The following NAA16 variants were observed in gnomAD, a reference collection of about 807,000 sequenced individuals.
NAA16 encodes the protein N-alpha-acetyltransferase 16, NatA auxiliary subunit, also known as NARG1-like protein.
A neutral mutation model predicts 110.3 loss-of-function variants in NAA16; 97 were observed. That is an observed-to-expected ratio of 0.88 (90% confidence interval 0.75 to 1.04). NAA16 has a LOEUF of 1.04. NAA16 is among the 50% of genes least tolerant of loss of function. The pLI, the probability that NAA16 is intolerant of heterozygous loss-of-function variation, is 0.00. For synonymous variants in NAA16, 372 were observed against 330.6 expected (o/e 1.13, Z -1.36); for missense variants, 1,017 against 1,005.1 (o/e 1.01, Z -0.16).
intron 9 of NAA16, among the ~76,000 whole-genome samples, chr13:41,345,335 C>T (rs781726152): frequency 6.6e-6 from 1 of 152,194 alleles, no homozygotes; most frequent in Non-Finnish European, 1.5e-5. Flanking sequence ...GATTTCTGCA[C>T]ATCCTCATTA....
At chr13:41,351,003 T>A (rs970676916) in intron 9 of NAA16, among the ~76,000 whole-genome samples, 2 of 152,160 alleles carry the variant, frequency 1.3e-5, no homozygotes, top group African/African-American at 2.4e-5. Flanking sequence ...AGAAAGTACT[T>A]GTTTTTTAGC....
At chr13:41,350,800 T>G (rs555286643) in intron 9 of NAA16, among the ~76,000 whole-genome samples, 1 of 151,952 alleles carries the variant, frequency 6.6e-6, no homozygotes, top group Non-Finnish European at 1.5e-5. Context: ...TTTGTTGTAT[T>G]TTTTTGTAGA....
intron 8 of NAA16, among the ~76,000 whole-genome samples, chr13:41,335,543 A>T (rs1464834529): frequency 6.6e-6 from 1 of 152,228 alleles, no homozygotes; most frequent in Admixed American, 6.5e-5. Context: ...GCAGTGGTGT[A>T]TAATTTAACC....
At chr13:41,342,370 G>A (rs989544306) in intron 9 of NAA16, among the ~76,000 whole-genome samples, 15 of 152,010 alleles carry the variant, frequency 9.9e-5, no homozygotes, top group African/African-American at 3.4e-4. Flanking sequence ...ACTCCTGAGC[G>A]CAAGCAATCC....
In NAA16 at chr13:41,321,038, G is replaced by A. The variant is rs2041932129; in HGVS notation, c.402+214G>A. On this transcript the variant is annotated intron_variant, in intron 4 of 19. Transcript: ENST00000379406. ...TAACTGGTGGGGTGTGGTGGCCCAC[G>A]CCTGTAATCCCAGCAGTTTGGGAGG... is the stretch of plus-strand genomic sequence containing the variant. Among the ~76,000 whole-genome samples the A allele has an allele frequency of 3.3e-5, 5 of 152,346 alleles. No individual in the cohort carries two copies. In the South Asian group the frequency reaches 8.3e-4, roughly 25 times the overall value.
chr13:41,362,192 C>G, intron 13 of NAA16, 33 bp downstream of exon 13: 5 of 1,568,276 alleles, frequency 3.2e-6, no homozygotes, highest in Non-Finnish European at 4.3e-6. Context: ...TCAGTTTTCA[C>G]TGTAAGGTGA....
At position 41,375,653 on chromosome 13, in the gene NAA16, G is replaced by T. The variant is rs2043415249; in HGVS notation, c.*51G>T. On this transcript the variant is annotated 3_prime_UTR_variant, in exon 20 of 20. Coordinates refer to ENST00000379406, the MANE Select transcript of NAA16 (RefSeq NM_024561.5). The stretch of plus-strand genomic sequence containing the variant: ...AGACTCAAAGCTGAATTGAGATCAG[G>T]GTTTCTTTTCCAGGGTGCATTTTAA... 7 of 1,391,402 alleles carry T rather than the reference G, an allele frequency of 5.0e-6. No individual in the cohort carries two copies. The highest frequency in any genetic ancestry group is 3.0e-5 in the South Asian group (2 of 67,068). The allele number at this position is 1,391,402 out of a possible 1,614,324, so 86.2% of individuals were successfully genotyped here.
At position 41,348,693 on chromosome 13, in the gene NAA16, G is replaced by A. The variant is rs181878425; in HGVS notation, c.1015-6451G>A. On this transcript the variant is annotated intron_variant, in intron 9 of 19. Coordinates refer to ENST00000379406, the MANE Select transcript of NAA16 (RefSeq NM_024561.5). ...ATGTTCTCTCCTCTTTTTTTGGGGGGGCGGGAAGAGTTTGTGAAGAATTGG... is the reference window on the plus strand; with the variant it reads ...ATGTTCTCTCCTCTTTTTTTGGGGGAGCGGGAAGAGTTTGTGAAGAATTGG... Among the ~76,000 whole-genome samples the A allele has an allele frequency of 5.5e-3, 831 of 152,038 alleles. 8 individuals are homozygous for A. The highest frequency in any genetic ancestry group is 0.012 in the Admixed American group (183 of 15,284).
chr13:41,340,716 G>A (rs1333901759), intron 9 of NAA16, among the ~76,000 whole-genome samples: 2 of 122,588 alleles, frequency 1.6e-5, no homozygotes, highest in South Asian at 2.9e-4. Context: ...CTCTCATTGC[G>A]CCCAGGCTGG....
Position 41,311,285 on chromosome 13 carries a change from C to A in NAA16, c.-244C>A. 1.8e-6 allele frequency: 1 copy of A among 548,698 alleles called. No individual in the cohort carries two copies. The highest frequency in any genetic ancestry group is 2.3e-5 in the South Asian group (1 of 43,442). The allele number at this position is 548,698 out of a possible 1,614,324, so 34.0% of individuals were successfully genotyped here. On this transcript the variant is annotated 5_prime_UTR_variant, in exon 1 of 20. Transcript: ENST00000379406. ...CCATCTTGCAGTGCGCGGGAACCGC[C>A]GCCGCCGCCGCTGGCCAAAAAGCGG...
In NAA16 at chr13:41,336,686, G is replaced by C; in HGVS notation, c.944G>C (p.Arg315Thr). 6.2e-7 allele frequency: 1 copy of C among 1,608,108 alleles called. No homozygotes were observed. Among genetic ancestry groups the C allele is most frequent in the Middle Eastern group, 1.7e-4 (1 of 6,042 alleles). The change falls in exon 9 of 20, where the codon AGG becomes ACG. Residue 315 changes from arginine to threonine, a missense_variant. Coordinates refer to ENST00000379406, the MANE Select transcript of NAA16 (RefSeq NM_024561.5). ...RFRELMDKFLRVNFSKGCPPL... is the reference protein window; with the variant it reads ...RFRELMDKFLTVNFSKGCPPL... ...AGAGAACTAATGGATAAGTTCCTGAGGGTTAACTTCAGTAAAGGCTGCCCA... is the reference window on the plus strand; with the variant it reads ...AGAGAACTAATGGATAAGTTCCTGACGGTTAACTTCAGTAAAGGCTGCCCA...
chr13:41,312,357 C>A (rs1325182979), intron 1 of NAA16, among the ~76,000 whole-genome samples: 2 of 152,074 alleles, frequency 1.3e-5, no homozygotes, highest in Non-Finnish European at 2.9e-5. Context: ...AATAATGGCC[C>A]CGTAGTGATG....
chr13:41,359,484 T>C (rs2043067242), intron 12 of NAA16, among the ~76,000 whole-genome samples: 1 of 152,186 alleles, frequency 6.6e-6, no homozygotes, highest in South Asian at 2.1e-4. Context: ...TTATAATACA[T>C]GTTTATGGTT....
At chr13:41,339,246 TCTC>T (rs1040988517) in intron 9 of NAA16, among the ~76,000 whole-genome samples, 2 of 152,000 alleles carry the variant, frequency 1.3e-5, no homozygotes, top group African/African-American at 2.4e-5. Flanking sequence ...TTCAAGCAAA[TCTC>T]CTGCCTCAGC....
At chr13:41,353,577 C>A (rs1593496625) in intron 9 of NAA16, among the ~76,000 whole-genome samples, 1 of 138,076 alleles carries the variant, frequency 7.2e-6, no homozygotes, top group Non-Finnish European at 1.5e-5. Flanking sequence ...CAAGCCTAGG[C>A]AATGTAGTGA....
At chr13:41,343,760 C>T (rs576920006) in intron 9 of NAA16, among the ~76,000 whole-genome samples, 4 of 152,174 alleles carry the variant, frequency 2.6e-5, no homozygotes, top group South Asian at 2.1e-4. Flanking sequence ...AGGCTGGTCT[C>T]GAACTCCTGA....
intron 8 of NAA16, among the ~76,000 whole-genome samples, chr13:41,331,927 T>C (rs1031720247): frequency 1.3e-5 from 2 of 152,144 alleles, no homozygotes; most frequent in Non-Finnish European, 2.9e-5. Context: ...AAATAATATG[T>C]ATTGGTAGAA....
intron 10 of NAA16, 100 bp from the exon 11 acceptor site, chr13:41,358,204 T>C (rs2043035769): frequency 5.9e-6 from 6 of 1,023,606 alleles, no homozygotes; most frequent in Non-Finnish European, 8.5e-6. Context: ...TTCTTGCTTA[T>C]TATTATTGCA....
chr13:41,365,807 C>T (rs1351336737), intron 13 of NAA16, among the ~76,000 whole-genome samples: 2 of 152,300 alleles, frequency 1.3e-5, no homozygotes, highest in South Asian at 2.1e-4. Context: ...ATATGGCCCC[C>T]TCCAAGACTT....
Sources: allele counts gnomAD v4.1 joint callset (sites outside exome capture counted in the v4.1 genomes callset), GRCh38; gene constraint gnomAD v4.1.1; transcripts MANE v1.5; gene names NCBI Gene and HGNC (gene_info 2026-07-23, HGNC 2026-07-21).